Variants in SNTG1 observed in about 807,000 individuals in gnomAD.
The protein encoded by SNTG1 is gamma-1-syntrophin.
A neutral mutation model predicts 74.7 loss-of-function variants in SNTG1; 39 were observed. The ratio of observed to expected loss-of-function variants is 0.52; its 90% CI spans 0.40 to 0.68. The LOEUF (loss-of-function observed/expected upper bound fraction) is 0.68, where lower values mean the gene tolerates loss of function less well. Ranked by LOEUF, SNTG1 falls within the 30% of genes least tolerant of loss-of-function variation. The probability of loss-of-function intolerance (pLI) is 0.00; values close to 1 mark genes in which losing one functional copy is unlikely to be tolerated. For synonymous variants in SNTG1, 254 were observed against 217.1 expected (o/e 1.17, Z -1.49); for missense variants, 685 against 609.5 (o/e 1.12, Z -1.30).
chr8:50,593,717 C>CTTTTTTT (rs1183759564), intron 13 of SNTG1, among the ~76,000 whole-genome samples: 2 of 136,068 alleles, frequency 1.5e-5, no homozygotes, highest in African/African-American at 5.4e-5. Context: ...TGATTTGGTT[C>CTTTTTTT]TTTTTTTTTT....
chr8:50,338,708 T>C (rs1045889652), intron 2 of SNTG1, among the ~76,000 whole-genome samples: 2 of 151,986 alleles, frequency 1.3e-5, no homozygotes, highest in African/African-American at 4.8e-5. Flanking sequence ...TGAAGATACG[T>C]CTATGGAAGC....
chr8:50,572,361 A>G (rs547244142), intron 12 of SNTG1, among the ~76,000 whole-genome samples: 1 of 152,074 alleles, frequency 6.6e-6, no homozygotes, highest in Admixed American at 6.6e-5. Context: ...ATACCCATAG[A>G]TATTTGTAAG....
chr8:50,685,487 A>C (rs2095348655), intron 15 of SNTG1, among the ~76,000 whole-genome samples: 2 of 152,188 alleles, frequency 1.3e-5, no homozygotes, highest in Admixed American at 6.6e-5. Context: ...TTTTTAAAAA[A>C]CATATTTTAC....
At chr8:49,937,677 A>C (rs1006416854) in intron 1 of SNTG1, among the ~76,000 whole-genome samples, 1 of 152,194 alleles carries the variant, frequency 6.6e-6, no homozygotes, top group African/African-American at 2.4e-5. Flanking sequence ...ATAGTGAACA[A>C]ATGATTAGGC....
intron 13 of SNTG1, among the ~76,000 whole-genome samples, chr8:50,648,578 A>T (rs1489478009): frequency 6.6e-6 from 1 of 152,176 alleles, no homozygotes. Flanking sequence ...TATTTGTTAG[A>T]ATACTTTTTT....
chr8:50,721,119 T>C (rs930477278), intron 17 of SNTG1, among the ~76,000 whole-genome samples: 4 of 152,176 alleles, frequency 2.6e-5, no homozygotes, highest in Admixed American at 2.0e-4. Context: ...CACCTTCCAT[T>C]TGTACATTAT....
At chr8:50,680,467 C>T (rs1328794986) in intron 15 of SNTG1, among the ~76,000 whole-genome samples, 1 of 152,078 alleles carries the variant, frequency 6.6e-6, no homozygotes, top group Non-Finnish European at 1.5e-5. Context: ...ACCAAGAATG[C>T]AATTTTCAAT....
chr8:50,325,691 C>A (rs1010677229), intron 2 of SNTG1, among the ~76,000 whole-genome samples: 2 of 152,050 alleles, frequency 1.3e-5, no homozygotes, highest in African/African-American at 4.8e-5. Flanking sequence ...AAAAAGCTTG[C>A]AAACAAAACA....
intron 1 of SNTG1, among the ~76,000 whole-genome samples, chr8:49,915,774 GC>G (rs1805973775): frequency 6.6e-6 from 1 of 152,154 alleles, no homozygotes. Context: ...TTGACTGCTG[GC>G]TTGTGAGCAT....
intron 17 of SNTG1, among the ~76,000 whole-genome samples, chr8:50,715,216 A>G (rs2131575004): frequency 6.6e-6 from 1 of 152,288 alleles, no homozygotes; most frequent in African/African-American, 2.4e-5. Context: ...CTGTAGCACA[A>G]AGAATATTCA....
intron 1 of SNTG1, among the ~76,000 whole-genome samples, chr8:50,068,543 A>G (rs1821089969): frequency 6.6e-6 from 1 of 152,206 alleles, no homozygotes; most frequent in Non-Finnish European, 1.5e-5. Context: ...CCTGCCAGCC[A>G]GGACAGTTCC....
At chr8:50,530,085 T>G in intron 9 of SNTG1, 92 bp from the exon 10 acceptor site, 2 of 1,025,732 alleles carry the variant, frequency 1.9e-6, no homozygotes, top group Non-Finnish European at 1.5e-6. Context: ...TACTTGATAT[T>G]ACTGAGTATC....
chr8:49,987,099 A>G (rs940171395), intron 1 of SNTG1, among the ~76,000 whole-genome samples: 14 of 152,202 alleles, frequency 9.2e-5, no homozygotes, highest in African/African-American at 3.1e-4. Context: ...AGTTTGAATA[A>G]CATGTTGGTT....
At chr8:50,673,460 T>C (rs993009869) in intron 15 of SNTG1, among the ~76,000 whole-genome samples, 6 of 152,120 alleles carry the variant, frequency 3.9e-5, no homozygotes, top group African/African-American at 1.2e-4. Context: ...AGTTCATTCA[T>C]GATTTGGCTC....
chr8:50,751,531 C>T (rs2131699991), intron 17 of SNTG1, among the ~76,000 whole-genome samples: 1 of 152,106 alleles, frequency 6.6e-6, no homozygotes, highest in African/African-American at 2.4e-5. Context: ...CAGATGATGG[C>T]TCTATAAAAT....
intron 1 of SNTG1, among the ~76,000 whole-genome samples, chr8:50,005,879 C>T (rs895103502): frequency 1.3e-5 from 2 of 150,814 alleles, no homozygotes; most frequent in Non-Finnish European, 2.9e-5. Flanking sequence ...TCTCTGTCAT[C>T]TCAGCTCCAA....
chr8:49,987,649 C>CG (rs1554540626), intron 1 of SNTG1, among the ~76,000 whole-genome samples: 3 of 131,552 alleles, frequency 2.3e-5, no homozygotes, highest in African/African-American at 8.7e-5. Context: ...TTAAATTAAC[C>CG]TTTTTTTTTT....
At chr8:50,044,981 A>C (rs1818955115) in intron 1 of SNTG1, among the ~76,000 whole-genome samples, 1 of 152,220 alleles carries the variant, frequency 6.6e-6, no homozygotes, top group African/African-American at 2.4e-5. Context: ...GATAGATGAT[A>C]GCTAGATAGA....
At chr8:50,670,844 GATATAGAT>G (rs2095277773) in intron 15 of SNTG1, among the ~76,000 whole-genome samples, 20 of 149,858 alleles carry the variant, frequency 1.3e-4, no homozygotes, top group East Asian at 5.9e-4. Context: ...CCAAAACAGA[GATATAGAT>G]CAATGGAACA....
Sources: gnomAD v4.1 joint callset for allele counts (sites outside exome capture counted in the v4.1 genomes callset) on GRCh38, gnomAD v4.1.1 for gene constraint, MANE v1.5 for transcripts, NCBI Gene and HGNC (gene_info 2026-07-23, HGNC 2026-07-21) for gene names.